JAZF1: variants seen among roughly 807,000 people sequenced by gnomAD.
The protein encoded by JAZF1 is juxtaposed with another zinc finger protein 1.
In JAZF1, 8 loss-of-function variants were observed where a neutral mutation model predicts 26.4. The observed-to-expected ratio is 0.30, with a 90% CI of 0.18 to 0.55. JAZF1 has a LOEUF of 0.55. Ranked by LOEUF, JAZF1 falls within the 20% of genes least tolerant of loss-of-function variation. JAZF1 has a pLI of 0.94. For missense variants in JAZF1, 199 were observed against 322.0 expected, an observed-to-expected ratio of 0.62 and a Z score of 2.92; for synonymous variants, 126 against 122.3, an observed-to-expected ratio of 1.03 and a Z score of -0.20.
intron 1 of JAZF1, among the ~76,000 whole-genome samples, chr7:28,148,786 TCACTG>T (rs1229477502): frequency 6.6e-6 from 1 of 152,174 alleles, no homozygotes; most frequent in African/African-American, 2.4e-5. Context: ...GAAGACAAAC[TCACTG>T]CACTTGAAAC....
At chr7:28,168,549 C>A (rs995290593) in intron 1 of JAZF1, among the ~76,000 whole-genome samples, 1 of 152,172 alleles carries the variant, frequency 6.6e-6, no homozygotes, top group African/African-American at 2.4e-5. Flanking sequence ...AAAGACTCTT[C>A]AGTTTGCCAG....
chr7:28,134,466 CT>C (rs11301719), intron 1 of JAZF1, among the ~76,000 whole-genome samples: 70,620 of 133,064 alleles, frequency 0.53, 18,402 homozygotes, highest in Admixed American at 0.61. Flanking sequence ...GCATGCCTAG[CT>C]TTTTTTTTTT....
rs181385498 is a variant in JAZF1, at chr7:28,034,537, T to A, written c.116-42556A>T. 6.0e-3 allele frequency among the ~76,000 whole-genome samples: 917 copies of A among 151,844 alleles called. 23 individuals carry two copies. The highest frequency in any genetic ancestry group is 0.011 in the South Asian group (54 of 4,810). ...AATTTTTATAATGGAGCATTTAATA[T>A]TCACATTCTTGTATGGAAAATATTC... On this transcript the variant is annotated intron_variant, in intron 1 of 4. Coordinates refer to ENST00000283928, the MANE Select transcript of JAZF1 (RefSeq NM_175061.4).
intron 2 of JAZF1, among the ~76,000 whole-genome samples, chr7:27,966,754 G>A (rs1170441344): frequency 1.3e-5 from 2 of 152,132 alleles, no homozygotes; most frequent in Non-Finnish European, 2.9e-5. Context: ...AAAATTCTTA[G>A]GGAACTCTCA....
At chr7:27,987,067 C>T (rs1374722029) in intron 2 of JAZF1, among the ~76,000 whole-genome samples, 4 of 152,242 alleles carry the variant, frequency 2.6e-5, no homozygotes, top group East Asian at 3.9e-4. Flanking sequence ...AGCCTCTGCC[C>T]GGCCGCCACC....
At chr7:28,047,340 C>T (rs1783513419) in intron 1 of JAZF1, among the ~76,000 whole-genome samples, 1 of 151,944 alleles carries the variant, frequency 6.6e-6, no homozygotes, top group Non-Finnish European at 1.5e-5. Context: ...CCTGTATGAA[C>T]TTTAGAAACA....
At chr7:28,070,023 G>C (rs1348604884) in intron 1 of JAZF1, among the ~76,000 whole-genome samples, 2 of 152,128 alleles carry the variant, frequency 1.3e-5, no homozygotes, top group Non-Finnish European at 2.9e-5. Flanking sequence ...ACGGCACACT[G>C]CACTTTGTAA....
intron 3 of JAZF1, among the ~76,000 whole-genome samples, chr7:27,847,875 C>T (rs1783058202): frequency 6.6e-6 from 1 of 152,002 alleles, no homozygotes. Flanking sequence ...GCTATGTTGG[C>T]CAGGGTGGTC....
At chr7:28,032,830 A>G (rs910055206) in intron 1 of JAZF1, among the ~76,000 whole-genome samples, 3 of 152,070 alleles carry the variant, frequency 2.0e-5, no homozygotes, top group South Asian at 2.1e-4. Flanking sequence ...CATTAGCACA[A>G]CGGGCCCAGT....
chr7:27,877,631 T>C lies in JAZF1; in HGVS notation c.385+17589A>G, dbSNP rs545133194. ...CTGACAAGTGGCCTCTGTGCAGGGATGTCAGCCTGTGCTCCCGAGTCTCAT... is the reference window on the plus strand; with the variant it reads ...CTGACAAGTGGCCTCTGTGCAGGGACGTCAGCCTGTGCTCCCGAGTCTCAT... On this transcript the variant is annotated intron_variant, in intron 3 of 4. Coordinates refer to ENST00000283928, the MANE Select transcript of JAZF1 (RefSeq NM_175061.4). Among the ~76,000 whole-genome samples the C allele has an allele frequency of 2.0e-5, 3 of 152,282 alleles. No homozygotes were observed. In the South Asian group the frequency reaches 6.2e-4, roughly 32 times the overall value.
chr7:28,009,451 C>G (rs1331849594), intron 1 of JAZF1, among the ~76,000 whole-genome samples: 1 of 151,988 alleles, frequency 6.6e-6, no homozygotes, highest in Non-Finnish European at 1.5e-5. Context: ...CATTACTAAA[C>G]TTCACCATAT....
chr7:28,177,728 T>G (rs983521680), intron 1 of JAZF1, among the ~76,000 whole-genome samples: 4 of 152,256 alleles, frequency 2.6e-5, no homozygotes, highest in African/African-American at 7.2e-5. Context: ...AGTCAATCAT[T>G]AACGGTCTCC....
chr7:27,970,208 G>A (rs1785351806), intron 2 of JAZF1, among the ~76,000 whole-genome samples: 1 of 152,176 alleles, frequency 6.6e-6, no homozygotes, highest in Admixed American at 6.5e-5. Flanking sequence ...GTGATGAAGT[G>A]TACAATATAT....
chr7:27,982,184 G>C (rs1288704872), intron 2 of JAZF1, among the ~76,000 whole-genome samples: 2 of 152,232 alleles, frequency 1.3e-5, no homozygotes, highest in African/African-American at 4.8e-5. Context: ...AGAGGTAGGG[G>C]AATTCCCTTT....
rs985451498 is a variant in JAZF1, at chr7:27,849,235, G to A, written c.386-8368C>T. 3.3e-5 allele frequency among the ~76,000 whole-genome samples: 5 copies of A among 152,172 alleles called. No homozygotes were observed. In the East Asian group the frequency reaches 9.6e-4, roughly 29 times the overall value. On this transcript the variant is annotated intron_variant, in intron 3 of 4. Transcript: ENST00000283928. ...CGCATGGAGTCGCTCAAAACCACAC[G>A]TGACGTTCAGTGTGTGAGCAGGTGG...
At chr7:27,838,184 A>T (rs979529559) in intron 4 of JAZF1, among the ~76,000 whole-genome samples, 7 of 152,172 alleles carry the variant, frequency 4.6e-5, no homozygotes, top group African/African-American at 1.7e-4. Context: ...TATGAAATAC[A>T]CATGTTGATA....
At chr7:27,956,617 G>A (rs1209706023) in intron 2 of JAZF1, among the ~76,000 whole-genome samples, 2 of 152,098 alleles carry the variant, frequency 1.3e-5, no homozygotes, top group African/African-American at 2.4e-5. Flanking sequence ...TCATAAAAGT[G>A]CCAGGGACTG....
At chr7:28,128,300 G>A (rs905708954) in intron 1 of JAZF1, among the ~76,000 whole-genome samples, 9 of 152,146 alleles carry the variant, frequency 5.9e-5, no homozygotes, top group Non-Finnish European at 1.3e-4. Flanking sequence ...GAGGCAGGTG[G>A]ATCACGAGGT....
intron 1 of JAZF1, among the ~76,000 whole-genome samples, chr7:28,002,784 T>C (rs1782625396): frequency 1.3e-5 from 2 of 152,136 alleles, no homozygotes; most frequent in South Asian, 4.1e-4. Context: ...CATGGCTTCC[T>C]GGTATAAAAA....
Sources: allele counts gnomAD v4.1 joint callset (sites outside exome capture counted in the v4.1 genomes callset), GRCh38; gene constraint gnomAD v4.1.1; transcripts MANE v1.5; gene names NCBI Gene and HGNC (gene_info 2026-07-23, HGNC 2026-07-21).